MAP3K9: variants seen among roughly 807,000 people sequenced by gnomAD.
MAP3K9 encodes the protein mitogen-activated protein kinase kinase kinase 9.
MAP3K9 carries 46 observed loss-of-function variants against 95.8 expected under a neutral mutation model. The ratio of observed to expected loss-of-function variants is 0.48; its 90% CI spans 0.38 to 0.61. MAP3K9 has a LOEUF of 0.61. MAP3K9 is among the 20% of genes least tolerant of loss of function. The pLI, the probability that MAP3K9 is intolerant of heterozygous loss-of-function variation, is 0.00. For missense variants in MAP3K9, 1,296 were observed against 1,474.3 expected (o/e 0.88, Z 1.98); for synonymous variants, 533 against 593.8 (o/e 0.90, Z 1.49).
At chr14:70,794,649 CCT>C (rs551162784) in intron 2 of MAP3K9, among the ~76,000 whole-genome samples, 61 of 151,778 alleles carry the variant, frequency 4.0e-4, no homozygotes, top group Non-Finnish European at 4.3e-4. Flanking sequence ...TGTTTTTACC[CCT>C]GTTTTTCCGT....
chr14:70,783,069 G>T (rs2054702394), intron 2 of MAP3K9, among the ~76,000 whole-genome samples: 1 of 152,144 alleles, frequency 6.6e-6, no homozygotes, highest in African/African-American at 2.4e-5. Context: ...CCTCAGTGGG[G>T]TCACTTTTAC....
intron 8 of MAP3K9, among the ~76,000 whole-genome samples, chr14:70,736,508 C>T (rs555547890): frequency 2.0e-5 from 3 of 151,998 alleles, no homozygotes; most frequent in Admixed American, 6.5e-5. Context: ...ACTTTTATTT[C>T]TTCAATAGGA....
chr14:70,766,273 C>T (rs943534005), intron 2 of MAP3K9, among the ~76,000 whole-genome samples: 11 of 152,102 alleles, frequency 7.2e-5, no homozygotes, highest in Non-Finnish European at 1.6e-4. Context: ...TGACCCTGGA[C>T]AAATCTCTTA....
chr14:70,739,049 G>A (rs899486812), intron 7 of MAP3K9, among the ~76,000 whole-genome samples: 4 of 152,194 alleles, frequency 2.6e-5, no homozygotes, highest in Non-Finnish European at 5.9e-5. Flanking sequence ...TACGGAAGCT[G>A]CTATTAGTGC....
In MAP3K9 at chr14:70,724,284, T is replaced by A. The variant is rs918497031; in HGVS notation, c.*6096A>T. ...GCAGCCAGAGAACACCAAGGAAATG[T>A]CACACCCAGGTATAGATCCAAAGTT... On this transcript the variant is annotated 3_prime_UTR_variant, in exon 12 of 12. Transcript: ENST00000554752. 6.6e-6 allele frequency: 1 copy of A among 152,214 alleles called. No homozygotes were observed. The highest frequency in any genetic ancestry group is 6.5e-5 in the Admixed American group (1 of 15,282). 9.4% of individuals were successfully genotyped at this position (152,214 alleles called of 1,614,324 possible). A position where few individuals can be genotyped will look rare whatever the true frequency, so the allele number is the denominator to read the frequency against.
chr14:70,767,451 T>C (rs1047591789), intron 2 of MAP3K9, among the ~76,000 whole-genome samples: 12 of 150,302 alleles, frequency 8.0e-5, no homozygotes, highest in East Asian at 2.0e-4. Context: ...ATGGGATATC[T>C]GTGCATCTTC....
At position 70,770,738 on chromosome 14, in the gene MAP3K9, C is replaced by G. The variant is rs563588207; in HGVS notation, c.821-9556G>C. Among the ~76,000 whole-genome samples the G allele has an allele frequency of 3.3e-5, 5 of 152,096 alleles. No individual in the cohort carries two copies. In the East Asian group the frequency reaches 9.6e-4, roughly 29 times the overall value. On this transcript the variant is annotated intron_variant, in intron 2 of 11. Coordinates refer to ENST00000554752, the MANE Select transcript of MAP3K9 (RefSeq NM_001284230.2). Reference sequence around the variant, plus strand: ...GTTGGTGATGACATTCTGAGTCACGCTGCTCAGATCTAAGCTGCCCATCCT... The same window carrying G: ...GTTGGTGATGACATTCTGAGTCACGGTGCTCAGATCTAAGCTGCCCATCCT...
rs1594782007 is a variant in MAP3K9 at position 70,755,490 on chromosome 14, A to C, written c.1002-5409T>G. On this transcript the variant is annotated intron_variant, in intron 3 of 11. Transcript: ENST00000554752. The stretch of plus-strand genomic sequence containing the variant: ...CTGAGCCCAGTTACCTCATCTGTAA[A>C]ATGGAAATGATGATCCCTACTTTGG... Among the ~76,000 whole-genome samples, 3 of 152,358 alleles carry C rather than the reference A, an allele frequency of 2.0e-5. No individual in the cohort carries two copies. The South Asian group carries it at 6.2e-4, about 32-fold the overall frequency.
chr14:70,723,949 G>C lies in MAP3K9; in HGVS notation c.*6431C>G, dbSNP rs989134174. The C allele has an allele frequency of 1.3e-5, 2 of 152,210 alleles. No individual in the cohort carries two copies. Among genetic ancestry groups the C allele is most frequent in the African/African-American group, 4.8e-5 (2 of 41,428 alleles). The allele number at this position is 152,210 out of a possible 1,614,324, so 9.4% of individuals were successfully genotyped here. A position where few individuals can be genotyped will look rare whatever the true frequency, so the allele number is the denominator to read the frequency against. On this transcript the variant is annotated 3_prime_UTR_variant, in exon 12 of 12. Transcript: ENST00000554752. ...ATGAGAATGAAATAAAGATGACAGA[G>C]GATGAGGAGGGTGGTGGAAACGATA...
chr14:70,750,030 G>A lies in MAP3K9; in HGVS notation c.1053C>T (p.Gly351=), dbSNP rs1400167173. 3.7e-6 allele frequency: 6 copies of A among 1,614,090 alleles called. No homozygotes were observed. Among genetic ancestry groups the A allele is most frequent in the Admixed American group, 1.7e-5 (1 of 59,996 alleles). Residue 351 remains glycine (G), a synonymous_variant, in exon 4 of 12, where the codon GGC becomes GGT. Transcript: ENST00000554752. ...CATAAGCGACTGCTAAGCCATCAAT[G>A]CCTCGAAAGGGCACCTCACCAGTCA... ...ELLTGEVPFR[G]IDGLAVAYGV... is the part of the protein sequence containing the mutation.
At position 70,801,074 on chromosome 14, in the gene MAP3K9, T is replaced by C; in HGVS notation, c.413A>G (p.Glu138Gly). 2 of 1,602,040 alleles carry C rather than the reference T, an allele frequency of 1.2e-6. No individual in the cohort carries two copies. The highest frequency in any genetic ancestry group is 1.7e-6 in the Non-Finnish European group (2 of 1,171,784). Reference sequence around the variant, plus strand: ...CAAGGTGAGCTCCGCAAAATCAATTTCTAACACTGAGAAAGGGAAGAAAAA... The same window carrying C: ...CAAGGTGAGCTCCGCAAAATCAATTCCTAACACTGAGAAAGGGAAGAAAAA... Reference protein sequence around the residue: ...PSCYPPIQLLEIDFAELTLEE... With the variant: ...PSCYPPIQLLGIDFAELTLEE... The change falls in exon 2 of 12, where the codon GAA becomes GGA. Residue 138 changes from glutamate to glycine, a missense_variant. This residue lies in a region of MAP3K9 where 338 missense variants were observed against 363.4 expected (regional missense o/e 0.93). Coordinates refer to ENST00000554752, the MANE Select transcript of MAP3K9 (RefSeq NM_001284230.2).
chr14:70,777,164 G>A (rs748073594), intron 2 of MAP3K9, among the ~76,000 whole-genome samples: 3 of 152,104 alleles, frequency 2.0e-5, no homozygotes, highest in Admixed American at 6.5e-5. Context: ...TCTCTAGGGC[G>A]CTGTTGCTTC....
At chr14:70,731,282 C>A (rs901805773) in intron 11 of MAP3K9, among the ~76,000 whole-genome samples, 1 of 151,904 alleles carries the variant, frequency 6.6e-6, no homozygotes, top group Non-Finnish European at 1.5e-5. Context: ...CCCATCTCTA[C>A]AAAATTTTTT....
Position 70,760,990 on chromosome 14 carries a change from C to G in MAP3K9, c.1001+12G>C. The G allele has an allele frequency of 6.2e-7, 1 of 1,613,120 alleles. No homozygotes were observed. The highest frequency in any genetic ancestry group is 1.3e-5 in the African/African-American group (1 of 74,980). On this transcript the variant is annotated intron_variant, in intron 3 of 11. Transcript: ENST00000554752. ...ACCTAGGAAATGCTGTCCCTGCCCC[C>G]CTGGACCTTACCTCCACACATCACT...
intron 3 of MAP3K9, among the ~76,000 whole-genome samples, chr14:70,750,717 C>T (rs552718893): frequency 3.9e-5 from 6 of 152,258 alleles, no homozygotes; most frequent in African/African-American, 1.4e-4. Flanking sequence ...AAACTCCTGA[C>T]CTCCTGTGAT....
chr14:70,765,054 C>T (rs1333031344), intron 2 of MAP3K9, among the ~76,000 whole-genome samples: 1 of 151,690 alleles, frequency 6.6e-6, no homozygotes, highest in Admixed American at 6.6e-5. Flanking sequence ...TTCAGCTGGG[C>T]GCCATGGCTC....
intron 2 of MAP3K9, among the ~76,000 whole-genome samples, chr14:70,784,822 T>C (rs951940626): frequency 3.3e-5 from 5 of 152,200 alleles, no homozygotes; most frequent in Non-Finnish European, 5.9e-5. Context: ...CTCTCAGGTC[T>C]TGTGCATTTT....
intron 1 of MAP3K9, among the ~76,000 whole-genome samples, chr14:70,807,949 C>T (rs1724133469): frequency 6.6e-6 from 1 of 152,124 alleles, no homozygotes; most frequent in African/African-American, 2.4e-5. Context: ...TGAGATTTGA[C>T]CAGTTCCAAA....
rs2054186352 is a variant in MAP3K9, at chr14:70,748,838, G to C, written c.1317C>G (p.Ala439=). The change falls in exon 5 of 12, where the codon GCC becomes GCG. Residue 439 remains alanine, a synonymous_variant. Coordinates refer to ENST00000554752, the MANE Select transcript of MAP3K9 (RefSeq NM_001284230.2). ...EIQEMFDQLR[A]KEKELRTWEE... ...TTTTTGTTTTGTTTACCTTTTCTTT[G>C]GCCCTGAGTTGGTCAAACATCTCCT... 2 of 1,576,972 alleles carry C rather than the reference G, an allele frequency of 1.3e-6. No individual in the cohort carries two copies. Among genetic ancestry groups the C allele is most frequent in the Admixed American group, 2.0e-5 (1 of 50,798 alleles).
Sources: allele counts gnomAD v4.1 joint callset (sites outside exome capture counted in the v4.1 genomes callset), GRCh38; gene constraint gnomAD v4.1.1; regional missense constraint gnomAD v4.1.1; transcripts MANE v1.5; gene names NCBI Gene and HGNC (gene_info 2026-07-23, HGNC 2026-07-21).